Variants in AGBL4 observed in about 807,000 individuals in gnomAD.
AGBL4 encodes the protein AGBL carboxypeptidase 4.
In AGBL4, 58 loss-of-function variants were observed where a neutral mutation model predicts 66.4. The ratio of observed to expected loss-of-function variants is 0.87; its 90% CI spans 0.71 to 1.09. The LOEUF (loss-of-function observed/expected upper bound fraction) is 1.09, where lower values mean the gene tolerates loss of function less well. Among genes scored for constraint, AGBL4 ranks in the 50% least tolerant of loss-of-function variants. The pLI is 0.00. For missense variants in AGBL4, 579 were observed against 631.0 expected (o/e 0.92, Z 0.88); for synonymous variants, 234 against 222.9 (o/e 1.05, Z -0.44).
intron 6 of AGBL4, among the ~76,000 whole-genome samples, chr1:48,732,153 T>A (rs1205467859): frequency 1.3e-5 from 2 of 152,022 alleles, no homozygotes; most frequent in Non-Finnish European, 2.9e-5. Context: ...GGATGAGACC[T>A]GGGTGCCTGG....
At chr1:49,022,665 C>G (rs953697376) in intron 5 of AGBL4, among the ~76,000 whole-genome samples, 7 of 152,152 alleles carry the variant, frequency 4.6e-5, no homozygotes, top group Non-Finnish European at 4.4e-5. Context: ...ACCTTCTCCT[C>G]AATTCCTATT....
At chr1:48,651,467 G>T (rs983084695) in intron 8 of AGBL4, among the ~76,000 whole-genome samples, 2 of 152,068 alleles carry the variant, frequency 1.3e-5, no homozygotes, top group African/African-American at 4.8e-5. Context: ...CTCTCTGACC[G>T]CTGCTCTTGT....
In AGBL4 at chr1:49,802,271, G is replaced by A. The variant is rs199588570; in HGVS notation, c.157+49125C>T. ...ATAAACAGACACATCGGGGGGGGTC[G>A]CCTGTCTATATGGATAAGATAGGGC... is the stretch of plus-strand genomic sequence containing the variant. On this transcript the variant is annotated intron_variant, in intron 2 of 13. Coordinates refer to ENST00000371839, the MANE Select transcript of AGBL4 (RefSeq NM_032785.4). Among the ~76,000 whole-genome samples the A allele has an allele frequency of 5.5e-4, 83 of 152,032 alleles. No individual in the cohort carries two copies. The East Asian group carries it at 0.012, about 21-fold the overall frequency.
intron 5 of AGBL4, among the ~76,000 whole-genome samples, chr1:48,880,844 G>A (rs1649711907): frequency 6.6e-6 from 1 of 152,070 alleles, no homozygotes; most frequent in African/African-American, 2.4e-5. Context: ...TTAATATGAT[G>A]TTGTGACTTG....
chr1:49,818,932 A>C (rs1645297576), intron 2 of AGBL4, among the ~76,000 whole-genome samples: 1 of 152,194 alleles, frequency 6.6e-6, no homozygotes, highest in African/African-American at 2.4e-5. Context: ...TGAGTGACAC[A>C]GTGGAAAGAG....
chr1:48,577,112 C>T (rs1259769634), intron 11 of AGBL4, among the ~76,000 whole-genome samples: 1 of 152,354 alleles, frequency 6.6e-6, no homozygotes, highest in South Asian at 2.1e-4. Flanking sequence ...GACAGTCCCT[C>T]TCATTGTCCT....
At chr1:49,889,318 T>A (rs1484472361) in intron 1 of AGBL4, among the ~76,000 whole-genome samples, 2 of 152,128 alleles carry the variant, frequency 1.3e-5, no homozygotes, top group Non-Finnish European at 2.9e-5. Context: ...CAGCCAGGAG[T>A]GACAGAGCAA....
At chr1:49,556,730 T>C (rs1305488) in intron 3 of AGBL4, among the ~76,000 whole-genome samples, 7,554 of 151,944 alleles carry the variant, frequency 0.05, 582 homozygotes, top group African/African-American at 0.16. Flanking sequence ...CCTTGGGCCG[T>C]CCATGGGACC....
intron 11 of AGBL4, among the ~76,000 whole-genome samples, chr1:48,577,366 A>G (rs762109799): frequency 1.3e-5 from 2 of 152,202 alleles, no homozygotes; most frequent in Non-Finnish European, 2.9e-5. Flanking sequence ...TTTATCATCG[A>G]CTTGGTTTCC....
At chr1:49,567,392 T>A (rs1644234171) in intron 3 of AGBL4, among the ~76,000 whole-genome samples, 1 of 152,178 alleles carries the variant, frequency 6.6e-6, no homozygotes, top group South Asian at 2.1e-4. Context: ...TCTGCATCAC[T>A]CATGCTGGGT....
intron 8 of AGBL4, among the ~76,000 whole-genome samples, chr1:48,649,678 T>C (rs1463575903): frequency 6.6e-6 from 1 of 152,174 alleles, no homozygotes; most frequent in Non-Finnish European, 1.5e-5. Context: ...TACCACAGAA[T>C]AGGTACTTGT....
At chr1:49,423,545 C>T (rs1237742708) in intron 3 of AGBL4, among the ~76,000 whole-genome samples, 6 of 152,116 alleles carry the variant, frequency 3.9e-5, no homozygotes, top group Middle Eastern at 3.2e-3. Context: ...CATGGTGGCT[C>T]ACACCTGTAA....
intron 6 of AGBL4, among the ~76,000 whole-genome samples, chr1:48,718,321 T>A: frequency 6.6e-6 from 1 of 152,210 alleles, no homozygotes; most frequent in Admixed American, 6.5e-5. Flanking sequence ...AGCAACAGGC[T>A]GGGCTACACA....
chr1:49,277,770 C>T (rs974555286), intron 3 of AGBL4, among the ~76,000 whole-genome samples: 2 of 150,552 alleles, frequency 1.3e-5, no homozygotes, highest in African/African-American at 2.4e-5. Flanking sequence ...TTCTTTTTCC[C>T]AGCCCAACTG....
chr1:49,553,976 G>A lies in AGBL4; in HGVS notation c.282+143337C>T, dbSNP rs564036068. On this transcript the variant is annotated intron_variant, in intron 3 of 13. Coordinates refer to ENST00000371839, the MANE Select transcript of AGBL4 (RefSeq NM_032785.4). ...AACATAGTGGGATCCCATCTCTTCAGAAAATTTTAAAACCTTAGCTGGCGT... is the reference window on the plus strand; with the variant it reads ...AACATAGTGGGATCCCATCTCTTCAAAAAATTTTAAAACCTTAGCTGGCGT... 2.0e-5 allele frequency among the ~76,000 whole-genome samples: 3 copies of A among 152,200 alleles called. No individual in the cohort carries two copies. In the East Asian group the frequency reaches 5.8e-4, roughly 30 times the overall value.
At chr1:49,956,654 T>C (rs146297116) in intron 1 of AGBL4, among the ~76,000 whole-genome samples, 1 of 151,978 alleles carries the variant, frequency 6.6e-6, no homozygotes, top group African/African-American at 2.4e-5. Context: ...ATTTAAAACA[T>C]AAGGTTCAAA....
chr1:49,357,119 T>C (rs1037068147), intron 3 of AGBL4, among the ~76,000 whole-genome samples: 3 of 152,136 alleles, frequency 2.0e-5, no homozygotes, highest in Non-Finnish European at 4.4e-5. Flanking sequence ...ATAAAGTGAC[T>C]GGGGGCAAAA....
chr1:49,285,272 T>C (rs1490647007), intron 3 of AGBL4, among the ~76,000 whole-genome samples: 1 of 152,136 alleles, frequency 6.6e-6, no homozygotes, highest in Non-Finnish European at 1.5e-5. Context: ...GAATGACTAC[T>C]GGATACATAA....
intron 3 of AGBL4, among the ~76,000 whole-genome samples, chr1:49,278,955 T>C (rs1364430501): frequency 6.6e-6 from 1 of 152,202 alleles, no homozygotes; most frequent in East Asian, 1.9e-4. Flanking sequence ...CAAGTTGAAC[T>C]TTTATAAATG....
Sources: allele counts gnomAD v4.1 joint callset (sites outside exome capture counted in the v4.1 genomes callset), GRCh38; gene constraint gnomAD v4.1.1; transcripts MANE v1.5; gene names NCBI Gene and HGNC (gene_info 2026-07-23, HGNC 2026-07-21).